RAB3C: variants seen among roughly 807,000 people sequenced by gnomAD.
RAB3C encodes the protein ras-related protein Rab-3C.
Under a neutral mutation model 26.4 loss-of-function variants are expected in RAB3C, and 17 were observed. The ratio of observed to expected loss-of-function variants is 0.64; its 90% CI spans 0.44 to 0.97. The LOEUF (loss-of-function observed/expected upper bound fraction) is 0.97. Among genes scored for constraint, RAB3C ranks in the 50% least tolerant of loss-of-function variants. The pLI is 0.00. For missense variants in RAB3C, 242 were observed against 281.9 expected (o/e 0.86, Z 1.01); for synonymous variants, 91 against 95.9 (o/e 0.95, Z 0.30).
At chr5:58,838,472 G>T (rs1243558671) in intron 4 of RAB3C, among the ~76,000 whole-genome samples, 9 of 151,364 alleles carry the variant, frequency 5.9e-5, no homozygotes, top group Non-Finnish European at 1.2e-4. Context: ...GTAGCATATT[G>T]TTTAATTTCC....
At chr5:58,778,301 C>T (rs1178367776) in intron 3 of RAB3C, among the ~76,000 whole-genome samples, 2 of 152,084 alleles carry the variant, frequency 1.3e-5, no homozygotes, top group Non-Finnish European at 2.9e-5. Context: ...CAACAAGAGG[C>T]AGGGTTTTCT....
intron 2 of RAB3C, among the ~76,000 whole-genome samples, chr5:58,709,103 A>C (rs958143797): frequency 2.6e-5 from 4 of 152,188 alleles, no homozygotes; most frequent in African/African-American, 9.6e-5. Flanking sequence ...ATGTGTAATA[A>C]CTTCTGGAAA....
chr5:58,750,531 G>A (rs1741499947), intron 3 of RAB3C, among the ~76,000 whole-genome samples: 1 of 152,200 alleles, frequency 6.6e-6, no homozygotes, highest in Non-Finnish European at 1.5e-5. Flanking sequence ...AATAGATATA[G>A]AAACTCTAAG....
intron 3 of RAB3C, among the ~76,000 whole-genome samples, chr5:58,751,545 ACTC>A (rs1362334757): frequency 6.6e-6 from 1 of 152,060 alleles, no homozygotes; most frequent in Non-Finnish European, 1.5e-5. Context: ...AGGGAGATAG[ACTC>A]CTTGGCTTTA....
intron 2 of RAB3C, among the ~76,000 whole-genome samples, chr5:58,630,799 C>G (rs963944768): frequency 9.2e-5 from 14 of 152,322 alleles, no homozygotes; most frequent in South Asian, 2.1e-4. Flanking sequence ...AGAAGGCACT[C>G]ATATAAATCA....
At chr5:58,718,488 A>G (rs1427388224) in intron 2 of RAB3C, among the ~76,000 whole-genome samples, 4 of 152,068 alleles carry the variant, frequency 2.6e-5, no homozygotes, top group African/African-American at 7.2e-5. Flanking sequence ...ATGAATTGCC[A>G]TGGTAACACT....
chr5:58,758,621 A>C (rs1040911788), intron 3 of RAB3C, among the ~76,000 whole-genome samples: 2 of 152,228 alleles, frequency 1.3e-5, no homozygotes, highest in Non-Finnish European at 2.9e-5. Context: ...GGAATTTGCA[A>C]TCAAATGGGG....
intron 3 of RAB3C, among the ~76,000 whole-genome samples, chr5:58,820,239 A>C (rs1180004291): frequency 6.6e-6 from 1 of 152,112 alleles, no homozygotes; most frequent in Non-Finnish European, 1.5e-5. Flanking sequence ...AATCTTTCAG[A>C]ATGCATGAAA....
At chr5:58,808,800 T>C (rs1579930206) in intron 3 of RAB3C, among the ~76,000 whole-genome samples, 1 of 152,224 alleles carries the variant, frequency 6.6e-6, no homozygotes, top group East Asian at 1.9e-4. Context: ...TATTATGGTA[T>C]TTAATAACAT....
At position 58,612,733 on chromosome 5, in the gene RAB3C, C is replaced by T. The variant is rs139810135; in HGVS notation, c.25-4910C>T. On this transcript the variant is annotated intron_variant, in intron 1 of 4. Transcript: ENST00000282878. ...TTAAGGAGCTTTTGGGCCAAGGCTA[C>T]GGGGTTTTCTAAATATAGGATCATG... Among the ~76,000 whole-genome samples, 45 of 151,492 alleles carry T rather than the reference C, an allele frequency of 3.0e-4. No homozygotes were observed. In the East Asian group the frequency reaches 3.3e-3, roughly 11 times the overall value.
At chr5:58,698,419 C>G (rs1748765469) in intron 2 of RAB3C, among the ~76,000 whole-genome samples, 1 of 152,046 alleles carries the variant, frequency 6.6e-6, no homozygotes, top group Non-Finnish European at 1.5e-5. Flanking sequence ...TTGCTCTTCT[C>G]GAGGAGTATC....
intron 2 of RAB3C, among the ~76,000 whole-genome samples, chr5:58,703,155 T>G (rs1246981550): frequency 6.6e-6 from 1 of 152,220 alleles, no homozygotes; most frequent in Non-Finnish European, 1.5e-5. Flanking sequence ...ACTCTCCTGA[T>G]GAATAAGATC....
chr5:58,595,346 A>G (rs1746223936), intron 1 of RAB3C, among the ~76,000 whole-genome samples: 1 of 152,018 alleles, frequency 6.6e-6, no homozygotes, highest in African/African-American at 2.4e-5. Flanking sequence ...TAGGGTATAG[A>G]CCCTTCTCTG....
chr5:58,753,841 G>A lies in RAB3C; in HGVS notation c.371+27721G>A, dbSNP rs538184893. 3.3e-5 allele frequency among the ~76,000 whole-genome samples: 5 copies of A among 152,332 alleles called. No individual in the cohort carries two copies. In the South Asian group the frequency reaches 1.0e-3, roughly 32 times the overall value. On this transcript the variant is annotated intron_variant, in intron 3 of 4. Coordinates refer to ENST00000282878, the MANE Select transcript of RAB3C (RefSeq NM_138453.4). ...GGACAGTTGTATACAAGGAGACCTG[G>A]AGGCAAGAACCATTTAGGCTGCAGT...
Position 58,596,672 on chromosome 5 carries a change from T to A in RAB3C, c.24+13440T>A, listed in dbSNP as rs1208352195. Among the ~76,000 whole-genome samples the A allele has an allele frequency of 3.7e-5, 3 of 80,208 alleles. No homozygotes were observed. The East Asian group carries it at 7.9e-4, about 21-fold the overall frequency. The allele number at this position is 80,208 out of a possible 152,430, so 52.6% of individuals were successfully genotyped here. ...TATATAATACATAATATATTATATA[T>A]AAATATATAATATATAATACATAAT... On this transcript the variant is annotated intron_variant, in intron 1 of 4. Transcript: ENST00000282878.
chr5:58,762,967 T>C (rs534600938), intron 3 of RAB3C, among the ~76,000 whole-genome samples: 1 of 152,300 alleles, frequency 6.6e-6, no homozygotes, highest in South Asian at 2.1e-4. Flanking sequence ...TTATAACCGG[T>C]TCAAAAGAAA....
intron 2 of RAB3C, among the ~76,000 whole-genome samples, chr5:58,723,530 G>A (rs1740819219): frequency 6.6e-6 from 1 of 151,768 alleles, no homozygotes. Flanking sequence ...AGCCGAATAG[G>A]ATATAACACA....
chr5:58,584,895 T>A (rs1182372192), intron 1 of RAB3C, among the ~76,000 whole-genome samples: 4 of 150,622 alleles, frequency 2.7e-5, no homozygotes, highest in Admixed American at 6.6e-5. Context: ...ATTACAGAAC[T>A]GTATTAATGT....
intron 2 of RAB3C, among the ~76,000 whole-genome samples, chr5:58,621,344 G>C (rs557523238): frequency 6.6e-6 from 1 of 152,150 alleles, no homozygotes; most frequent in African/African-American, 2.4e-5. Flanking sequence ...AGGAAACCAA[G>C]ATATAGAGAG....
Sources: allele counts gnomAD v4.1 joint callset (sites outside exome capture counted in the v4.1 genomes callset), GRCh38; gene constraint gnomAD v4.1.1; transcripts MANE v1.5; gene names NCBI Gene and HGNC (gene_info 2026-07-23, HGNC 2026-07-21).